SHISAL2B: variants seen among roughly 807,000 people sequenced by gnomAD.
SHISAL2B encodes the protein shisa like 2B.
Under a neutral mutation model 16.5 loss-of-function variants are expected in SHISAL2B, and 12 were observed. That is an observed-to-expected ratio of 0.73 (90% CI 0.47 to 1.18). The LOEUF (loss-of-function observed/expected upper bound fraction) is 1.18, where lower values mean the gene tolerates loss of function less well. SHISAL2B is among the 50% of genes most tolerant of loss of function. SHISAL2B has a pLI of 0.00. For missense variants in SHISAL2B, 183 were observed against 193.6 expected (o/e 0.95, Z 0.33); for synonymous variants, 72 against 75.0 (o/e 0.96, Z 0.21).
intron 2 of SHISAL2B, among the ~76,000 whole-genome samples, chr5:64,697,921 T>C (rs1439544358): frequency 6.6e-6 from 1 of 152,326 alleles, no homozygotes; most frequent in Non-Finnish European, 1.5e-5. Flanking sequence ...GTAGAGGAGA[T>C]CTCTCAGAGG....
intron 2 of SHISAL2B, among the ~76,000 whole-genome samples, chr5:64,710,339 A>G (rs1741941011): frequency 9.0e-6 from 1 of 111,416 alleles, no homozygotes; most frequent in Admixed American, 9.8e-5. Context: ...CAAAGATCAG[A>G]TAATTGTAGG....
chr5:64,700,966 A>G, intron 2 of SHISAL2B, among the ~76,000 whole-genome samples: 1 of 152,212 alleles, frequency 6.6e-6, no homozygotes, highest in Non-Finnish European at 1.5e-5. Flanking sequence ...GAGCGGAAGC[A>G]GTAATGCTTG....
rs186006371 is a variant in SHISAL2B, at chr5:64,701,196, T to C, written c.349+5532T>C. 4.5e-3 allele frequency among the ~76,000 whole-genome samples: 690 copies of C among 152,300 alleles called. 10 individuals carry two copies. Among genetic ancestry groups the C allele is most frequent in the African/African-American group, 0.016 (658 of 41,566 alleles). On this transcript the variant is annotated intron_variant, in intron 2 of 2. Transcript: ENST00000389074. ...CATGTTCATTACAGATGCTTTTTTT[T>C]CCCAAATATTTTTGATCCATGGTTG...
intron 2 of SHISAL2B, among the ~76,000 whole-genome samples, chr5:64,712,968 A>G (rs1741980624): frequency 6.6e-6 from 1 of 152,140 alleles, no homozygotes; most frequent in African/African-American, 2.4e-5. Context: ...AATACAGCAC[A>G]CTGATGGGTC....
intron 1 of SHISAL2B, chr5:64,694,199 G>A (rs1351999765): frequency 2.4e-6 from 1 of 409,568 alleles, no homozygotes; most frequent in African/African-American, 2.1e-5. Flanking sequence ...TCCAAATACA[G>A]GTAGATCAAT....
At chr5:64,699,616 C>T (rs911012562) in intron 2 of SHISAL2B, among the ~76,000 whole-genome samples, 5 of 152,132 alleles carry the variant, frequency 3.3e-5, no homozygotes, top group African/African-American at 1.2e-4. Flanking sequence ...ACCAGTTAGC[C>T]ATTTCCTTTC....
At chr5:64,696,709 T>C (rs748722703) in intron 2 of SHISAL2B, among the ~76,000 whole-genome samples, 3 of 152,174 alleles carry the variant, frequency 2.0e-5, no homozygotes, top group Non-Finnish European at 2.9e-5. Context: ...AACCCCACCC[T>C]GGTGAATTTG....
rs1282167823 is a variant in SHISAL2B at position 64,691,111 on chromosome 5, G to C, written c.191+297G>C. 8.9e-6 allele frequency: 3 copies of C among 335,850 alleles called. No individual in the cohort carries two copies. In the East Asian group the frequency reaches 1.4e-4, roughly 15 times the overall value. 20.8% of individuals were successfully genotyped at this position (335,850 alleles called of 1,614,324 possible). A position where few individuals can be genotyped will look rare whatever the true frequency, so the allele number is the denominator to read the frequency against. On this transcript the variant is annotated intron_variant, in intron 1 of 2. Coordinates refer to ENST00000389074, the MANE Select transcript of SHISAL2B (RefSeq NM_001164442.2). Reference sequence around the variant, plus strand: ...CCTGGCTGGCCCCGCTGAGTTCCCCGCCCGCCTCCCGGGAGCCGACTGCTC... The same window carrying C: ...CCTGGCTGGCCCCGCTGAGTTCCCCCCCCGCCTCCCGGGAGCCGACTGCTC...
chr5:64,696,995 G>A (rs1400184710), intron 2 of SHISAL2B, among the ~76,000 whole-genome samples: 2 of 152,096 alleles, frequency 1.3e-5, no homozygotes, highest in Admixed American at 6.5e-5. Context: ...GTAAAAACCT[G>A]CTGGTTTTGC....
chr5:64,695,483 A>G (rs1741719763), intron 1 of SHISAL2B, 24 bp from the exon 2 acceptor site: 3 of 1,511,658 alleles, frequency 2.0e-6, no homozygotes, highest in African/African-American at 1.4e-5. Context: ...TGTGTGACAC[A>G]TATTTTTTTT....
chr5:64,690,669 C>T lies in SHISAL2B; in HGVS notation c.46C>T (p.Gln16Ter), dbSNP rs1019659113. The change falls in exon 1 of 3, where the codon CAG becomes TAG. Residue 16 changes from glutamine (Q) to a stop codon, truncating the protein, a stop_gained. Transcript: ENST00000389074. LOFTEE classifies it high-confidence loss of function. Reference protein sequence around the residue: ...RLCSGYYSLNQSFVEPFQCPR... With the variant: ...RLCSGYYSLN ...GTGCTCCGGCTACTACAGCCTCAAC[C>T]AGAGCTTCGTGGAGCCCTTCCAGTG... 1 of 1,533,294 alleles carries T rather than the reference C, an allele frequency of 6.5e-7. No homozygotes were observed. Among genetic ancestry groups the T allele is most frequent in the Non-Finnish European group, 8.7e-7 (1 of 1,145,422 alleles). The allele number at this position is 1,533,294 out of a possible 1,614,324, so 95.0% of individuals were successfully genotyped here. A position where few individuals can be genotyped will look rare whatever the true frequency, so the allele number is the denominator to read the frequency against.
At chr5:64,696,509 A>C (rs945867918) in intron 2 of SHISAL2B, among the ~76,000 whole-genome samples, 4 of 152,188 alleles carry the variant, frequency 2.6e-5, no homozygotes, top group African/African-American at 9.7e-5. Context: ...ACCTGCAAGT[A>C]GGGAAGATCT....
chr5:64,698,935 A>G (rs1741772570), intron 2 of SHISAL2B, among the ~76,000 whole-genome samples: 1 of 152,226 alleles, frequency 6.6e-6, no homozygotes, highest in Non-Finnish European at 1.5e-5. Flanking sequence ...CCTTCTCTAT[A>G]CAACGCACTG....
intron 2 of SHISAL2B, among the ~76,000 whole-genome samples, chr5:64,715,858 T>C (rs1300487332): frequency 2.0e-5 from 3 of 152,210 alleles, no homozygotes; most frequent in South Asian, 2.1e-4. Flanking sequence ...AATTCTATCA[T>C]TGGAAATTTA....
intron 2 of SHISAL2B, among the ~76,000 whole-genome samples, chr5:64,714,057 A>C (rs1005643497): frequency 4.0e-5 from 6 of 148,316 alleles, no homozygotes; most frequent in African/African-American, 1.5e-4. Flanking sequence ...ATCATTCTCC[A>C]TCCAGCTTTG....
chr5:64,716,601 T>C (rs275818), intron 2 of SHISAL2B, among the ~76,000 whole-genome samples: 25,495 of 152,070 alleles, frequency 0.17, 2,601 homozygotes, highest in Non-Finnish European at 0.23. Flanking sequence ...GTAGGTCTTA[T>C]TGAGAAGATG....
chr5:64,713,374 C>G (rs1741987086), intron 2 of SHISAL2B, among the ~76,000 whole-genome samples: 1 of 87,900 alleles, frequency 1.1e-5, no homozygotes, highest in Non-Finnish European at 2.0e-5. Flanking sequence ...GGCCCCCACT[C>G]TCTTCTGGCT....
intron 1 of SHISAL2B, chr5:64,694,166 C>A (rs769015290): frequency 1.3e-5 from 6 of 448,578 alleles, no homozygotes; most frequent in Admixed American, 2.5e-5. Context: ...AGAAAAAGAT[C>A]ATTACTTTTC....
intron 2 of SHISAL2B, among the ~76,000 whole-genome samples, chr5:64,716,813 A>T (rs1742062621): frequency 6.6e-6 from 1 of 152,198 alleles, no homozygotes; most frequent in Non-Finnish European, 1.5e-5. Flanking sequence ...GTATGAAATC[A>T]TGTAGGCCAC....
Sources: allele counts gnomAD v4.1 joint callset (sites outside exome capture counted in the v4.1 genomes callset), GRCh38; gene constraint gnomAD v4.1.1; transcripts MANE v1.5; gene names NCBI Gene and HGNC (gene_info 2026-07-23, HGNC 2026-07-21).